The following ARFGEF3 variants were observed in gnomAD, a reference collection of about 807,000 sequenced individuals.
The protein encoded by ARFGEF3 is ARFGEF family member 3.
A neutral mutation model predicts 221.7 loss-of-function variants in ARFGEF3; 96 were observed. The ratio of observed to expected loss-of-function variants is 0.43; its 90% CI spans 0.37 to 0.51. ARFGEF3 has a LOEUF of 0.51. Ranked by LOEUF, ARFGEF3 falls within the 20% of genes least tolerant of loss-of-function variation. The probability of loss-of-function intolerance (pLI) is 0.00; values close to 1 mark genes in which losing one functional copy is unlikely to be tolerated. For synonymous variants in ARFGEF3, 1,145 were observed against 1,126.8 expected, an observed-to-expected ratio of 1.02 and a Z score of -0.32; for missense variants, 2,410 against 2,789.9, an observed-to-expected ratio of 0.86 and a Z score of 3.07.
chr6:138,163,677 T>C (rs987722456), intron 1 of ARFGEF3, among the ~76,000 whole-genome samples: 3 of 152,170 alleles, frequency 2.0e-5, no homozygotes, highest in African/African-American at 7.2e-5. Context: ...TTGCTGAGTT[T>C]AGGTCCTTTA....
intron 2 of ARFGEF3, among the ~76,000 whole-genome samples, chr6:138,173,788 A>C (rs1022426180): frequency 6.6e-6 from 1 of 152,150 alleles, no homozygotes; most frequent in African/African-American, 2.4e-5. Context: ...TGTTCACAAC[A>C]TTGGTGGGAG....
chr6:138,189,825 A>C (rs1427679817), intron 2 of ARFGEF3, among the ~76,000 whole-genome samples: 1 of 152,138 alleles, frequency 6.6e-6, no homozygotes, highest in Non-Finnish European at 1.5e-5. Context: ...CATGCCTGTA[A>C]TCTCAGCACT....
At chr6:138,262,609 T>C (rs1778814207) in intron 11 of ARFGEF3, 92 bp from the exon 12 acceptor site, 1 of 1,261,940 alleles carries the variant, frequency 7.9e-7, no homozygotes, top group East Asian at 2.3e-5. Flanking sequence ...TTGAATACTT[T>C]GCTGTTTGCC....
intron 12 of ARFGEF3, among the ~76,000 whole-genome samples, chr6:138,266,646 G>A (rs891625970): frequency 2.6e-5 from 4 of 152,004 alleles, no homozygotes; most frequent in Non-Finnish European, 4.4e-5. Flanking sequence ...TTAGGAGATC[G>A]AGACCATCCT....
At chr6:138,175,557 C>A (rs1013054) in intron 2 of ARFGEF3, among the ~76,000 whole-genome samples, 34,705 of 152,028 alleles carry the variant, frequency 0.23, 5,485 homozygotes, top group African/African-American at 0.43. Flanking sequence ...AGCAAAAGCC[C>A]ACTCAGGATG....
At chr6:138,301,517 T>C (rs1779628512) in intron 22 of ARFGEF3, among the ~76,000 whole-genome samples, 2 of 152,172 alleles carry the variant, frequency 1.3e-5, no homozygotes, top group Admixed American at 6.5e-5. Flanking sequence ...GATGAATTCA[T>C]GGAGAAATGA....
Position 138,317,261 on chromosome 6 carries a change from A to C in ARFGEF3, c.4356A>C (p.Glu1452Asp). 1 of 1,613,744 alleles carries C rather than the reference A, an allele frequency of 6.2e-7. No homozygotes were observed. The highest frequency in any genetic ancestry group is 2.2e-5 in the East Asian group (1 of 44,888). ...CTTTTTGGTTTCCAGGTCTGATAGA[A>C]GTCTGGATAATCCTGCTGGAGCAGC... ...SDFDDDTGLI[E>D]VWIILLEQLT... Residue 1452 changes from glutamate to aspartate, a missense_variant, in exon 27 of 34, where the codon GAA becomes GAC. Around this residue, in one of 5 missense-constraint regions of ARFGEF3, gnomAD observed 723 missense variants for 991.9 expected, o/e 0.73. Transcript: ENST00000251691.
At chr6:138,195,330 A>G (rs532945350) in intron 2 of ARFGEF3, among the ~76,000 whole-genome samples, 2 of 152,188 alleles carry the variant, frequency 1.3e-5, no homozygotes, top group African/African-American at 2.4e-5. Context: ...TGAAGGTAAC[A>G]TGTTTTATTC....
chr6:138,278,356 C>A, intron 12 of ARFGEF3, 95 bp from the exon 13 acceptor site: 1 of 1,059,040 alleles, frequency 9.4e-7, no homozygotes, highest in Non-Finnish European at 1.4e-6. Flanking sequence ...CCTATTGATG[C>A]AGTATCTCTC....
At chr6:138,318,045 T>C (rs1779957710) in intron 27 of ARFGEF3, among the ~76,000 whole-genome samples, 1 of 152,202 alleles carries the variant, frequency 6.6e-6, no homozygotes, top group African/African-American at 2.4e-5. Context: ...TTACTAACAA[T>C]CAGACCCTAA....
intron 2 of ARFGEF3, among the ~76,000 whole-genome samples, chr6:138,204,431 TG>T (rs1159741251): frequency 6.6e-6 from 1 of 151,894 alleles, no homozygotes; most frequent in Non-Finnish European, 1.5e-5. Context: ...ATATCAATGC[TG>T]GACAAACTAC....
At chr6:138,174,253 A>G (rs1776893766) in intron 2 of ARFGEF3, among the ~76,000 whole-genome samples, 1 of 152,108 alleles carries the variant, frequency 6.6e-6, no homozygotes. Context: ...AGAGCAGAAA[A>G]GAGATTGAAT....
chr6:138,169,409 C>T (rs1298174252), intron 1 of ARFGEF3, among the ~76,000 whole-genome samples: 1 of 152,202 alleles, frequency 6.6e-6, no homozygotes, highest in East Asian at 1.9e-4. Context: ...CTAGCTTGCT[C>T]TTAGCCTTAT....
rs1051391916 is a variant in ARFGEF3, at chr6:138,162,975, C to G, written c.85+804C>G. On this transcript the variant is annotated intron_variant, in intron 1 of 33. Coordinates refer to ENST00000251691, the MANE Select transcript of ARFGEF3 (RefSeq NM_020340.5). The surrounding 1 kb of genome is among the most constrained non-coding windows in gnomAD (Gnocchi z 4.7). ...CAAGAAGAAGCCAGCGCAGCTAGCT[C>G]TATGGGCTCCTCTCTCTGCCTTGCT... Among the ~76,000 whole-genome samples, 3 of 152,198 alleles carry G rather than the reference C, an allele frequency of 2.0e-5. No individual in the cohort carries two copies. The highest frequency in any genetic ancestry group is 4.8e-5 in the African/African-American group (2 of 41,448).
chr6:138,286,831 C>G lies in ARFGEF3; in HGVS notation c.2700C>G (p.Ile900Met). 3 of 1,614,034 alleles carry G rather than the reference C, an allele frequency of 1.9e-6. No individual in the cohort carries two copies. Among genetic ancestry groups the G allele is most frequent in the Non-Finnish European group, 2.5e-6 (3 of 1,179,898 alleles). ...GLAFILGAEG[I>M]KEQNQKERDA... is the part of the protein sequence containing the mutation. Reference sequence around the variant, plus strand: ...CCTTCATTCTGGGAGCTGAAGGCATCAAAGAGCAGAACCAGAAGGAGCGGG... The same window carrying G: ...CCTTCATTCTGGGAGCTGAAGGCATGAAAGAGCAGAACCAGAAGGAGCGGG... The change falls in exon 16 of 34, where the codon ATC (isoleucine) becomes ATG (methionine). Residue 900 changes from isoleucine to methionine, a missense_variant. By Grantham distance (10) the Ile-to-Met change is conservative. Around this residue, in one of 5 missense-constraint regions of ARFGEF3, gnomAD observed 594 missense variants for 734.3 expected, o/e 0.81. Coordinates refer to ENST00000251691, the MANE Select transcript of ARFGEF3 (RefSeq NM_020340.5).
rs1467581392 is a variant in ARFGEF3, at chr6:138,311,403, C to T, written c.4097-4C>T. On this transcript the variant is annotated splice_polypyrimidine_tract_variant and splice_region_variant and intron_variant, in intron 24 of 33. Coordinates refer to ENST00000251691, the MANE Select transcript of ARFGEF3 (RefSeq NM_020340.5). Reference sequence around the variant, plus strand: ...TTGGTCTCTGTCTCCCGTGCCGCCCCTAGGGGAGGTGGACTGTAAAGAGAT... The same window carrying T: ...TTGGTCTCTGTCTCCCGTGCCGCCCTTAGGGGAGGTGGACTGTAAAGAGAT... 6.3e-7 allele frequency: 1 copy of T among 1,596,772 alleles called. No homozygotes were observed. Among genetic ancestry groups the T allele is most frequent in the Non-Finnish European group, 8.5e-7 (1 of 1,171,120 alleles).
intron 17 of ARFGEF3, among the ~76,000 whole-genome samples, chr6:138,287,433 C>G (rs926794786): frequency 1.3e-5 from 2 of 152,210 alleles, no homozygotes; most frequent in African/African-American, 4.8e-5. Flanking sequence ...GCAGCAGGCC[C>G]AGGGGGACCC....
rs752657686 is a variant in ARFGEF3, at chr6:138,263,593, G to A, written c.2110G>A (p.Ala704Thr). 1.2e-6 allele frequency: 2 copies of A among 1,601,410 alleles called. No homozygotes were observed. Among genetic ancestry groups the A allele is most frequent in the East Asian group, 4.5e-5 (2 of 44,636 alleles). Reference protein sequence around the residue: ...EEVDTALQNFASTFCSGMMHS... With the variant: ...EEVDTALQNFTSTFCSGMMHS... ...GGTGGACACCGCTCTGCAGAACTTT[G>A]CCTCTACTTTCTGCTCAGGTTTGTA... The change falls in exon 12 of 34, where the codon GCC becomes ACC. Residue 704 changes from alanine to threonine, a missense_variant. Physicochemically the swap from Ala to Thr is moderately conservative, Grantham distance 58. Transcript: ENST00000251691.
intron 4 of ARFGEF3, among the ~76,000 whole-genome samples, chr6:138,214,898 C>T (rs1777807356): frequency 6.6e-6 from 1 of 152,156 alleles, no homozygotes; most frequent in South Asian, 2.1e-4. Context: ...GGAGAAAAGG[C>T]AAGTTTGATT....
Sources: allele counts gnomAD v4.1 joint callset (sites outside exome capture counted in the v4.1 genomes callset), GRCh38; gene constraint gnomAD v4.1.1; regional missense constraint gnomAD v4.1.1; non-coding constraint Gnocchi (gnomAD v3.1); transcripts MANE v1.5; gene names NCBI Gene and HGNC (gene_info 2026-07-23, HGNC 2026-07-21).